The following IQCM variants were observed in gnomAD, a reference collection of about 807,000 sequenced individuals.
IQCM encodes IQ domain-containing protein M.
In IQCM, 45 loss-of-function variants were observed where a neutral mutation model predicts 57.6. The ratio of observed to expected loss-of-function variants is 0.78; its 90% CI spans 0.62 to 1.00. IQCM has a LOEUF of 1.00. IQCM is among the 50% of genes least tolerant of loss of function. IQCM has a pLI of 0.00. For synonymous variants in IQCM, 148 were observed against 158.9 expected (o/e 0.93, Z 0.51); for missense variants, 468 against 511.6 (o/e 0.91, Z 0.82).
At chr4:149,551,487 G>A (rs1423124239) in intron 11 of IQCM, among the ~76,000 whole-genome samples, 1 of 151,986 alleles carries the variant, frequency 6.6e-6, no homozygotes, top group Non-Finnish European at 1.5e-5. Flanking sequence ...ATTCCATAAC[G>A]TTAAAAAATC....
chr4:149,736,607 C>T (rs1022913595), intron 3 of IQCM, among the ~76,000 whole-genome samples: 5 of 152,124 alleles, frequency 3.3e-5, no homozygotes, highest in African/African-American at 1.2e-4. Context: ...CAATTAAAAA[C>T]TCAATCTTCA....
At chr4:149,686,913 A>G (rs1257163603) in intron 5 of IQCM, among the ~76,000 whole-genome samples, 7 of 151,528 alleles carry the variant, frequency 4.6e-5, no homozygotes, top group Non-Finnish European at 7.4e-5. Flanking sequence ...CAGAAATCTC[A>G]TTATTTGATA....
intron 13 of IQCM, among the ~76,000 whole-genome samples, chr4:149,430,925 C>T (rs187225272): frequency 1.8e-4 from 28 of 151,718 alleles, no homozygotes; most frequent in African/African-American, 5.8e-4. Flanking sequence ...ATTGACCAGG[C>T]GCAGTAGCTC....
intron 2 of IQCM, among the ~76,000 whole-genome samples, chr4:149,768,596 T>G (rs1770274457): frequency 6.6e-6 from 1 of 152,068 alleles, no homozygotes; most frequent in Non-Finnish European, 1.5e-5. Context: ...AACTTGAACT[T>G]TTGCTGCCAA....
chr4:149,519,306 A>G (rs972760674), intron 12 of IQCM, among the ~76,000 whole-genome samples: 3 of 152,214 alleles, frequency 2.0e-5, no homozygotes, highest in African/African-American at 4.8e-5. Context: ...TTGCTTTTCT[A>G]TTAATCAGAC....
chr4:149,406,437 C>T (rs140444923), intron 13 of IQCM, among the ~76,000 whole-genome samples: 44 of 152,018 alleles, frequency 2.9e-4, no homozygotes, highest in African/African-American at 8.0e-4. Context: ...CAACATAGAG[C>T]GGACATCACA....
chr4:149,579,939 T>C (rs1055747427), intron 9 of IQCM, among the ~76,000 whole-genome samples: 2 of 151,802 alleles, frequency 1.3e-5, no homozygotes, highest in African/African-American at 4.8e-5. Context: ...ATCTTAGGAA[T>C]TGACAGAGCC....
chr4:149,529,536 T>C (rs1400658139), intron 12 of IQCM, among the ~76,000 whole-genome samples: 6 of 152,196 alleles, frequency 3.9e-5, no homozygotes, highest in Non-Finnish European at 8.8e-5. Flanking sequence ...CTACAGGCCA[T>C]ATGCTAGGCT....
At chr4:149,573,410 T>C (rs1166103330) in intron 9 of IQCM, among the ~76,000 whole-genome samples, 1 of 151,872 alleles carries the variant, frequency 6.6e-6, no homozygotes, top group African/African-American at 2.4e-5. Context: ...TCAGTAAAAC[T>C]GATGCAAATT....
intron 2 of IQCM, among the ~76,000 whole-genome samples, chr4:149,744,636 T>C (rs1767755489): frequency 6.6e-6 from 1 of 151,698 alleles, no homozygotes; most frequent in Non-Finnish European, 1.5e-5. Flanking sequence ...GAGCTGGGGG[T>C]GTAGAACGGC....
intron 2 of IQCM, among the ~76,000 whole-genome samples, chr4:149,794,042 A>G (rs1202250078): frequency 6.6e-6 from 1 of 152,248 alleles, no homozygotes; most frequent in East Asian, 1.9e-4. Context: ...AGAAGATAGC[A>G]TGCAGATGGG....
At chr4:149,773,730 G>A (rs566909101) in intron 2 of IQCM, among the ~76,000 whole-genome samples, 1 of 152,332 alleles carries the variant, frequency 6.6e-6, no homozygotes, top group Non-Finnish European at 1.5e-5. Flanking sequence ...TCATTTAAAT[G>A]AGTTGACTGC....
intron 5 of IQCM, among the ~76,000 whole-genome samples, chr4:149,705,279 G>C (rs973382530): frequency 1.3e-5 from 2 of 148,436 alleles, no homozygotes; most frequent in Non-Finnish European, 3.0e-5. Flanking sequence ...TTAGGGCTCT[G>C]GAGAGCCCTA....
intron 7 of IQCM, among the ~76,000 whole-genome samples, chr4:149,669,436 C>T (rs1561132749): frequency 6.6e-6 from 1 of 152,142 alleles, no homozygotes; most frequent in Non-Finnish European, 1.5e-5. Flanking sequence ...TGCCTTTTCA[C>T]TCTGATGGTA....
chr4:149,535,869 A>T (rs1747243106), intron 12 of IQCM, among the ~76,000 whole-genome samples: 1 of 152,048 alleles, frequency 6.6e-6, no homozygotes, highest in South Asian at 2.1e-4. Flanking sequence ...ACTAGCCATG[A>T]TGATTCCCAG....
chr4:149,427,428 A>T (rs1453533887), intron 13 of IQCM, among the ~76,000 whole-genome samples: 1 of 151,952 alleles, frequency 6.6e-6, no homozygotes, highest in African/African-American at 2.4e-5. Flanking sequence ...ACCTGGTGCC[A>T]TCTTAATATT....
intron 12 of IQCM, among the ~76,000 whole-genome samples, chr4:149,450,890 T>C (rs1737046364): frequency 6.6e-6 from 1 of 150,964 alleles, no homozygotes; most frequent in Admixed American, 6.6e-5. Flanking sequence ...AGGAAATCAC[T>C]ATATTGAAGA....
intron 12 of IQCM, among the ~76,000 whole-genome samples, chr4:149,487,808 G>A (rs181591001): frequency 6.6e-5 from 10 of 152,224 alleles, no homozygotes; most frequent in Non-Finnish European, 1.0e-4. Flanking sequence ...CCTCTTCTGG[G>A]AGATGGGGGT....
chr4:149,615,104 G>A (rs551813732), intron 8 of IQCM, among the ~76,000 whole-genome samples: 47 of 151,694 alleles, frequency 3.1e-4, no homozygotes, highest in Middle Eastern at 6.8e-3. Context: ...TCACGTCTCA[G>A]AATTTTGATA....
Sources: gnomAD v4.1 joint callset for allele counts (sites outside exome capture counted in the v4.1 genomes callset) on GRCh38, gnomAD v4.1.1 for gene constraint, MANE v1.5 for transcripts, NCBI Gene and HGNC (gene_info 2026-07-23, HGNC 2026-07-21) for gene names.